TPTE2: variants seen among roughly 807,000 people sequenced by gnomAD.
The protein encoded by TPTE2 is phosphatidylinositol 3,4,5-trisphosphate 3-phosphatase TPTE2.
TPTE2 carries 53 observed loss-of-function variants against 78.6 expected under a neutral mutation model. The ratio of observed to expected loss-of-function variants is 0.67; its 90% CI spans 0.54 to 0.85. TPTE2 has a LOEUF of 0.85. Ranked by LOEUF, TPTE2 falls within the 40% of genes least tolerant of loss-of-function variation. The probability of loss-of-function intolerance (pLI) is 0.00; values close to 1 mark genes in which losing one functional copy is unlikely to be tolerated. For synonymous variants in TPTE2, 175 were observed against 206.2 expected, an observed-to-expected ratio of 0.85 and a Z score of 1.30; for missense variants, 461 against 623.0, an observed-to-expected ratio of 0.74 and a Z score of 2.77.
chr13:19,509,897 A>G (rs1869317176), intron 1 of TPTE2, among the ~76,000 whole-genome samples: 1 of 152,226 alleles, frequency 6.6e-6, no homozygotes, highest in Non-Finnish European at 1.5e-5. Flanking sequence ...AAATCAGCCT[A>G]CCATTGGGAG....
chr13:19,520,811 T>A (rs907913005), intron 1 of TPTE2, among the ~76,000 whole-genome samples: 3 of 152,028 alleles, frequency 2.0e-5, no homozygotes, highest in Non-Finnish European at 2.9e-5. Flanking sequence ...TTCATTTATC[T>A]CAAAATATGT....
the TPTE2 span, among the ~76,000 whole-genome samples, chr13:19,555,803 CTTTTTTTTTTTTT>C: frequency 3.7e-5 from 3 of 81,038 alleles, no homozygotes; most frequent in South Asian, 5.2e-4. Context: ...CAACAAATTT[CTTTTTTTTTTTTT>C]TTTTTTTTTT....
At chr13:19,539,107 G>A (rs1871365862), upstream of TPTE2, among the ~76,000 whole-genome samples, 1 of 152,138 alleles carries the variant, frequency 6.6e-6, no homozygotes, top group South Asian at 2.1e-4. Flanking sequence ...ATTAATCCAT[G>A]TGTGGATTAA....
upstream of TPTE2, among the ~76,000 whole-genome samples, chr13:19,507,004 C>G (rs138967594): frequency 6.7e-3 from 1,019 of 152,256 alleles, 9 homozygotes; most frequent in African/African-American, 0.022. Flanking sequence ...ATGTTACATA[C>G]AGAAGCTGAA....
At chr13:19,555,642 T>C in the TPTE2 span, among the ~76,000 whole-genome samples, 3 of 152,108 alleles carry the variant, frequency 2.0e-5, no homozygotes, top group Non-Finnish European at 2.9e-5. Context: ...TACTGTTTGA[T>C]AGAATACATA....
chr13:19,545,470 G>A, the TPTE2 span, among the ~76,000 whole-genome samples: 1 of 152,192 alleles, frequency 6.6e-6, no homozygotes, highest in East Asian at 1.9e-4. Context: ...TATAAGAGAA[G>A]AATAAAGTGA....
At chr13:19,467,677 T>C (rs1703743168) in intron 6 of TPTE2, among the ~76,000 whole-genome samples, 1 of 152,196 alleles carries the variant, frequency 6.6e-6, no homozygotes, top group Non-Finnish European at 1.5e-5. Context: ...TCATTCACGT[T>C]ACAAACAATC....
At chr13:19,458,596 T>A (rs1878690006) in intron 10 of TPTE2, 3 of 461,810 alleles carry the variant, frequency 6.5e-6, no homozygotes, top group South Asian at 4.7e-5. Flanking sequence ...TGGCCTGACC[T>A]GTCTTCCACC....
chr13:19,510,978 T>C (rs1869393784), intron 1 of TPTE2, among the ~76,000 whole-genome samples: 1 of 152,240 alleles, frequency 6.6e-6, no homozygotes, highest in African/African-American at 2.4e-5. Flanking sequence ...CAAGTGTTGT[T>C]GTGAATGTGT....
rs757346594 is a variant in TPTE2 at position 19,450,073 on chromosome 13, T to C, written c.973+3A>G. ...GGAAAAATGAAAAGGAAAATGTTAT[T>C]ACCTTTGCCTCCTTTACAGTGAATC... On this transcript the variant is annotated splice_donor_region_variant and intron_variant, in intron 13 of 19. Transcript: ENST00000400230. 6.2e-7 allele frequency: 1 copy of C among 1,610,674 alleles called. No homozygotes were observed. The highest frequency in any genetic ancestry group is 1.1e-5 in the South Asian group (1 of 90,628).
chr13:19,527,599 G>A (rs146069878), intron 1 of TPTE2, among the ~76,000 whole-genome samples: 3,867 of 152,246 alleles, frequency 0.025, 128 homozygotes, highest in African/African-American at 0.075. Flanking sequence ...ATTGGGCTGC[G>A]TGTGGTGGCT....
chr13:19,493,155 A>G (rs1160988551), intron 2 of TPTE2, among the ~76,000 whole-genome samples: 2 of 141,884 alleles, frequency 1.4e-5, no homozygotes, highest in Admixed American at 7.6e-5. Context: ...AAATGCTACA[A>G]TGAGACGAAT....
At chr13:19,449,681 T>C (rs150785617) in intron 13 of TPTE2, among the ~76,000 whole-genome samples, 1,777 of 152,290 alleles carry the variant, frequency 0.012, 33 homozygotes, top group African/African-American at 0.039. Flanking sequence ...CATAAATATA[T>C]TGATTTTTTT....
chr13:19,470,016 C>G (rs1879506725), intron 6 of TPTE2, among the ~76,000 whole-genome samples: 2 of 151,352 alleles, frequency 1.3e-5, no homozygotes, highest in African/African-American at 2.4e-5. Flanking sequence ...TTTTTTATTC[C>G]CTTTCTTTCT....
At chr13:19,469,716 T>C (rs761498317) in intron 6 of TPTE2, among the ~76,000 whole-genome samples, 32 of 152,330 alleles carry the variant, frequency 2.1e-4, no homozygotes, top group Admixed American at 1.1e-3. Context: ...TGTTTTATCA[T>C]TTTCATTATA....
At chr13:19,493,266 T>C (rs1881111334) in intron 2 of TPTE2, among the ~76,000 whole-genome samples, 182 bp downstream of exon 5, 1 of 152,050 alleles carries the variant, frequency 6.6e-6, no homozygotes, top group Non-Finnish European at 1.5e-5. Flanking sequence ...CCTTGGTCTA[T>C]GTTTCCATCA....
At chr13:19,543,168 C>T in the TPTE2 span, among the ~76,000 whole-genome samples, 5 of 151,850 alleles carry the variant, frequency 3.3e-5, no homozygotes, top group South Asian at 2.1e-4. Flanking sequence ...AGCGATCGTC[C>T]CACTTCCCAA....
At chr13:19,538,846 A>G (rs1435020336), upstream of TPTE2, among the ~76,000 whole-genome samples, 1 of 152,176 alleles carries the variant, frequency 6.6e-6, no homozygotes, top group African/African-American at 2.4e-5. Flanking sequence ...CTTGTTTGTC[A>G]TTTAAATCAT....
intron 6 of TPTE2, among the ~76,000 whole-genome samples, chr13:19,469,798 C>T (rs1262491072): frequency 6.6e-6 from 1 of 151,950 alleles, no homozygotes; most frequent in Non-Finnish European, 1.5e-5. Flanking sequence ...GCATATAGGA[C>T]CACTTTTTAA....
Sources: gnomAD v4.1 joint callset for allele counts (sites outside exome capture counted in the v4.1 genomes callset) on GRCh38, gnomAD v4.1.1 for gene constraint, MANE v1.5 for transcripts, NCBI Gene and HGNC (gene_info 2026-07-23, HGNC 2026-07-21) for gene names.